VPS13B: variants seen among roughly 807,000 people sequenced by gnomAD.
VPS13B encodes the protein intermembrane lipid transfer protein VPS13B.
A neutral mutation model predicts 426.4 loss-of-function variants in VPS13B; 285 were observed. The observed-to-expected ratio is 0.67, with a 90% CI of 0.61 to 0.74. The LOEUF is 0.74. Ranked by LOEUF, VPS13B falls within the 30% of genes least tolerant of loss-of-function variation. The pLI is 0.00. For missense variants in VPS13B, 4,537 were observed against 4,782.6 expected (o/e 0.95, Z 1.51); for synonymous variants, 1,676 against 1,676.4 (o/e 1.00, Z 0.01).
chr8:99,232,591 C>T (rs1181900287), intron 17 of VPS13B, among the ~76,000 whole-genome samples: 2 of 152,198 alleles, frequency 1.3e-5, no homozygotes, highest in East Asian at 1.9e-4. Context: ...AAACATATTA[C>T]CGCTGCAGGC....
chr8:99,202,675 G>T (rs1359451701), intron 17 of VPS13B, among the ~76,000 whole-genome samples: 1 of 152,062 alleles, frequency 6.6e-6, no homozygotes, highest in Non-Finnish European at 1.5e-5. Context: ...GAAAAAGAGG[G>T]ACTCCTCCCT....
rs964313978 is a variant in VPS13B at position 99,193,072 on chromosome 8, T to C, written c.2515+15T>C. On this transcript the variant is annotated intron_variant, in intron 17 of 61. Transcript: ENST00000357162. Reference sequence around the variant, plus strand: ...CCTAAGTATAGGTAAGAGCACAGTCTTTTTGATAACTATATGGAAAATTTG... The same window carrying C: ...CCTAAGTATAGGTAAGAGCACAGTCCTTTTGATAACTATATGGAAAATTTG... 5 of 1,612,626 alleles carry C rather than the reference T, an allele frequency of 3.1e-6. No individual in the cohort carries two copies. In the African/African-American group the frequency reaches 6.7e-5, roughly 22 times the overall value.
chr8:99,278,721 G>A (rs1330031835), intron 19 of VPS13B, among the ~76,000 whole-genome samples: 1 of 152,130 alleles, frequency 6.6e-6, no homozygotes, highest in East Asian at 1.9e-4. Flanking sequence ...CTAACGTAAC[G>A]GATCTCCTTT....
At chr8:99,055,900 A>ATTTTT (rs71273158) in intron 3 of VPS13B, among the ~76,000 whole-genome samples, 1 of 107,858 alleles carries the variant, frequency 9.3e-6, no homozygotes, top group African/African-American at 3.7e-5. Flanking sequence ...TGGCTAATTA[A>ATTTTT]TTTTTTTTTT....
At chr8:99,370,650 C>T (rs1459126051) in intron 19 of VPS13B, among the ~76,000 whole-genome samples, 2 of 144,212 alleles carry the variant, frequency 1.4e-5, no homozygotes, top group East Asian at 2.0e-4. Context: ...CACTCTGTCA[C>T]CCAGGCTCAA....
At chr8:99,334,038 A>C (rs1810687276) in intron 19 of VPS13B, among the ~76,000 whole-genome samples, 1 of 151,938 alleles carries the variant, frequency 6.6e-6, no homozygotes, top group African/African-American at 2.4e-5. Flanking sequence ...ATTCTTTTAC[A>C]AGCCTTTTGT....
At chr8:99,864,965 T>G (rs917610743) in intron 58 of VPS13B, among the ~76,000 whole-genome samples, 1 of 152,210 alleles carries the variant, frequency 6.6e-6, no homozygotes, top group African/African-American at 2.4e-5. Context: ...TCGGCGGGCC[T>G]TCTTGACTCT....
intron 39 of VPS13B, among the ~76,000 whole-genome samples, chr8:99,748,635 A>G (rs1336137809): frequency 1.3e-5 from 2 of 152,050 alleles, no homozygotes; most frequent in Non-Finnish European, 2.9e-5. Context: ...AATGTCAAAG[A>G]CATTCATGTT....
At chr8:99,092,209 A>G (rs910019610) in intron 3 of VPS13B, 1 of 152,146 alleles carries the variant, frequency 6.6e-6, no homozygotes, top group African/African-American at 2.4e-5. Context: ...TCTGTTAGGA[A>G]CTTTTGTAAG....
chr8:99,317,881 G>A (rs1809758682), intron 19 of VPS13B, among the ~76,000 whole-genome samples: 1 of 152,104 alleles, frequency 6.6e-6, no homozygotes, highest in Admixed American at 6.5e-5. Flanking sequence ...GAATGTAGGT[G>A]CATGCACTAA....
At chr8:99,274,634 AAAATT>A (rs1447556000) in intron 18 of VPS13B, among the ~76,000 whole-genome samples, 1 of 152,116 alleles carries the variant, frequency 6.6e-6, no homozygotes, top group East Asian at 1.9e-4. Flanking sequence ...TATGACACTT[AAAATT>A]AAATTAAAAA....
rs200302943 is a variant in VPS13B at position 99,778,948 on chromosome 8, A to G, written c.7696A>G (p.Thr2566Ala). ...TGTAGTGGAAAAGCTGCTTGACTGC[A>G]CCGTGATAGTTGATTCTGTATTTGT... Reference protein sequence around the residue: ...SDVVEKLLDCTVIVDSVFVNL... With the variant: ...SDVVEKLLDCAVIVDSVFVNL... Residue 2566 changes from threonine (T) to alanine (A), a missense_variant, in exon 42 of 62, where the codon ACC (threonine) becomes GCC (alanine). Thr to Ala is a moderately conservative substitution (Grantham distance 58). This residue lies in a region of VPS13B where 4,311 missense variants were observed against 4,474.3 expected (regional missense o/e 0.96). Coordinates refer to ENST00000357162, the MANE Select transcript of VPS13B (RefSeq NM_152564.5). 3 of 1,613,978 alleles carry G rather than the reference A, an allele frequency of 1.9e-6. No homozygotes were observed. Among genetic ancestry groups the G allele is most frequent in the East Asian group, 2.2e-5 (1 of 44,860 alleles).
chr8:99,385,286 C>T (rs368049351), intron 20 of VPS13B, among the ~76,000 whole-genome samples: 5 of 152,062 alleles, frequency 3.3e-5, no homozygotes, highest in African/African-American at 1.2e-4. Context: ...AGGCCAAATT[C>T]GTGCTTTATT....
intron 22 of VPS13B, among the ~76,000 whole-genome samples, chr8:99,435,033 A>G (rs1817299060): frequency 2.0e-5 from 3 of 152,224 alleles, no homozygotes; most frequent in Non-Finnish European, 4.4e-5. Flanking sequence ...TATGGAGTAT[A>G]CTGTAGGGAG....
intron 19 of VPS13B, among the ~76,000 whole-genome samples, chr8:99,323,690 A>G (rs1810099870): frequency 6.6e-6 from 1 of 152,196 alleles, no homozygotes; most frequent in Non-Finnish European, 1.5e-5. Flanking sequence ...GCACAATTAA[A>G]ACTTAGATAG....
At chr8:99,428,265 A>G (rs1816849043) in intron 21 of VPS13B, among the ~76,000 whole-genome samples, 1 of 152,228 alleles carries the variant, frequency 6.6e-6, no homozygotes, top group South Asian at 2.1e-4. Flanking sequence ...AGCAATGGCA[A>G]CAGAAGCCAA....
intron 35 of VPS13B, among the ~76,000 whole-genome samples, chr8:99,676,641 A>C (rs1830944823): frequency 6.6e-6 from 1 of 151,686 alleles, no homozygotes; most frequent in Non-Finnish European, 1.5e-5. Flanking sequence ...TATTATTATG[A>C]TATAACAAGG....
rs1397608904 is a variant in VPS13B at position 99,835,612 on chromosome 8, G to A, written c.9816G>A (p.Gln3272=). 6 of 1,613,986 alleles carry A rather than the reference G, an allele frequency of 3.7e-6. No homozygotes were observed. In the Admixed American group the frequency reaches 8.3e-5, roughly 22 times the overall value. ...ECSIHHELYH[Q]ISSYPDCKTK... is the part of the protein sequence containing the mutation. ...CAATTCATCATGAGCTGTATCATCA[G>A]ATTTCCAGTTATCCGGACTGCAAGA... Residue 3272 remains glutamine, a synonymous_variant, in exon 54 of 62, where the codon CAG becomes CAA. Transcript: ENST00000357162.
At chr8:99,545,058 G>T (rs1823895825) in intron 30 of VPS13B, among the ~76,000 whole-genome samples, 1 of 152,094 alleles carries the variant, frequency 6.6e-6, no homozygotes, top group South Asian at 2.1e-4. Flanking sequence ...TAGAGTACAA[G>T]AAAATGCTTT....
Sources: allele counts gnomAD v4.1 joint callset (sites outside exome capture counted in the v4.1 genomes callset), GRCh38; gene constraint gnomAD v4.1.1; regional missense constraint gnomAD v4.1.1; transcripts MANE v1.5; gene names NCBI Gene and HGNC (gene_info 2026-07-23, HGNC 2026-07-21).